LRRFIP1: variants seen among roughly 807,000 people sequenced by gnomAD.
The protein encoded by LRRFIP1 is LRR binding FLII interacting protein 1.
LRRFIP1 carries 62 observed loss-of-function variants against 104.4 expected under a neutral mutation model. The observed-to-expected ratio is 0.59, with a 90% CI of 0.48 to 0.73. The LOEUF is 0.73. LRRFIP1 is among the 30% of genes least tolerant of loss of function. The probability of loss-of-function intolerance (pLI) is 0.00; values close to 1 mark genes in which losing one functional copy is unlikely to be tolerated. For missense variants in LRRFIP1, 796 were observed against 824.5 expected, an observed-to-expected ratio of 0.97 and a Z score of 0.42; for synonymous variants, 300 against 299.0, an observed-to-expected ratio of 1.00 and a Z score of -0.03.
rs924393601 is a variant in LRRFIP1 at position 237,766,786 on chromosome 2, C to T, written c.1460-3157C>T. Among the ~76,000 whole-genome samples, 1 of 152,244 alleles carries T rather than the reference C, an allele frequency of 6.6e-6. No individual in the cohort carries two copies. The highest frequency in any genetic ancestry group is 2.4e-5 in the African/African-American group (1 of 41,462). On this transcript the variant is annotated intron_variant, in intron 19 of 23. Coordinates refer to ENST00000308482, the MANE Select transcript of LRRFIP1 (RefSeq NM_001137550.2). This position sits in a 1 kb window ranked among gnomAD's most constrained non-coding sequence, Gnocchi z 4.8. ...CATTTCTCGATGATTTCAGAGCCTT[C>T]ATTCTGAGCATCAGTTATATGCTCT...
intron 14 of LRRFIP1, 120 bp from the exon 15 acceptor site, chr2:237,753,189 T>C (rs733579): frequency 0.27 from 177,615 of 665,142 alleles, 25,591 homozygotes; most frequent in East Asian, 0.56. Flanking sequence ...TTCTGATCCA[T>C]TTGCTCTAAG....
chr2:237,676,512 G>A (rs113956153), intron 1 of LRRFIP1, among the ~76,000 whole-genome samples: 15 of 152,130 alleles, frequency 9.9e-5, no homozygotes, highest in South Asian at 2.1e-4. Context: ...GTTTTGTTTC[G>A]TTTTGTTTTT....
At chr2:237,632,794 G>T (rs1457345461) in intron 1 of LRRFIP1, among the ~76,000 whole-genome samples, 3 of 140,160 alleles carry the variant, frequency 2.1e-5, no homozygotes, top group Non-Finnish European at 4.8e-5. Flanking sequence ...GTCCAGGACT[G>T]AGCCCAGCTG....
chr2:237,652,703 T>A (rs1001157658), intron 1 of LRRFIP1, among the ~76,000 whole-genome samples: 3 of 152,188 alleles, frequency 2.0e-5, no homozygotes, highest in African/African-American at 2.4e-5. Context: ...AAAACAATCT[T>A]GGCTGGGCAC....
intron 22 of LRRFIP1, among the ~76,000 whole-genome samples, chr2:237,773,371 C>G (rs2060811606): frequency 6.6e-6 from 1 of 152,054 alleles, no homozygotes; most frequent in Non-Finnish European, 1.5e-5. Context: ...AACCCCGTCT[C>G]TACTAAAAAT....
At chr2:237,759,370 C>T (rs1370489139) in intron 18 of LRRFIP1, among the ~76,000 whole-genome samples, 1 of 152,124 alleles carries the variant, frequency 6.6e-6, no homozygotes, top group Non-Finnish European at 1.5e-5. Context: ...TGAACCGTCA[C>T]CATCTGCTGC....
chr2:237,656,388 G>A (rs957497058), intron 1 of LRRFIP1, among the ~76,000 whole-genome samples: 6 of 152,204 alleles, frequency 3.9e-5, no homozygotes, highest in African/African-American at 1.4e-4. Context: ...CAAATCATAT[G>A]TATGCATTTG....
intron 23 of LRRFIP1, among the ~76,000 whole-genome samples, chr2:237,779,146 G>A (rs1172773063): frequency 1.3e-5 from 2 of 152,102 alleles, no homozygotes; most frequent in Non-Finnish European, 2.9e-5. Context: ...CCCGTGAGGC[G>A]GAGCTTGCAG....
At chr2:237,705,189 T>G (rs1486775699) in intron 1 of LRRFIP1, among the ~76,000 whole-genome samples, 3 of 152,024 alleles carry the variant, frequency 2.0e-5, no homozygotes, top group Non-Finnish European at 2.9e-5. Context: ...GGCGGGGAAG[T>G]GGGTGGGCGT....
chr2:237,727,791 C>G, intron 7 of LRRFIP1, 85 bp from the exon 8 acceptor site: 1 of 950,882 alleles, frequency 1.1e-6, no homozygotes, highest in Non-Finnish European at 1.7e-6. Context: ...TCACCTTATA[C>G]CTGGCTGGTT....
chr2:237,633,839 C>T (rs2082728019), intron 1 of LRRFIP1, among the ~76,000 whole-genome samples: 4 of 152,150 alleles, frequency 2.6e-5, no homozygotes, highest in Admixed American at 2.0e-4. Context: ...TCCAAGACCC[C>T]ATTCAGGCTA....
chr2:237,706,123 G>A (rs1201070778), intron 1 of LRRFIP1, among the ~76,000 whole-genome samples: 1 of 152,166 alleles, frequency 6.6e-6, no homozygotes, highest in Non-Finnish European at 1.5e-5. Context: ...GTGGGAGAGG[G>A]GTATGCAGGG....
chr2:237,727,093 C>CA (rs1343284799), intron 7 of LRRFIP1, among the ~76,000 whole-genome samples: 1 of 152,206 alleles, frequency 6.6e-6, no homozygotes, highest in African/African-American at 2.4e-5. Flanking sequence ...CGCGATGGCT[C>CA]ACGCCTGTAA....
chr2:237,685,108 T>C (rs111740585), intron 1 of LRRFIP1, among the ~76,000 whole-genome samples: 759 of 11,072 alleles, frequency 0.069, 12 homozygotes, highest in African/African-American at 0.16. Context: ...CTCCCTACCC[T>C]CCCCCCCCCA....
intron 1 of LRRFIP1, among the ~76,000 whole-genome samples, chr2:237,673,903 C>T (rs1204360023): frequency 7.8e-6 from 1 of 128,502 alleles, no homozygotes; most frequent in Non-Finnish European, 1.6e-5. Context: ...TTTCCTGACA[C>T]TAAGGCTCTG....
At chr2:237,653,560 G>C (rs76820589) in intron 1 of LRRFIP1, among the ~76,000 whole-genome samples, 15,361 of 152,220 alleles carry the variant, frequency 0.1, 855 homozygotes, top group African/African-American at 0.13. Context: ...AAGCAATCTT[G>C]AGCAATAAGA....
At chr2:237,771,333 G>T (rs956573839) in intron 20 of LRRFIP1, among the ~76,000 whole-genome samples, 3 of 146,560 alleles carry the variant, frequency 2.0e-5, no homozygotes, top group South Asian at 4.3e-4. Flanking sequence ...CATAAATTCC[G>T]CAAAGTTCCA....
intron 5 of LRRFIP1, among the ~76,000 whole-genome samples, chr2:237,720,222 C>T (rs1319061370): frequency 6.6e-6 from 1 of 152,004 alleles, no homozygotes; most frequent in East Asian, 1.9e-4. Context: ...GCTGGGATTA[C>T]AGGCATGAGC....
At chr2:237,684,010 GT>G (rs1409247795) in intron 1 of LRRFIP1, among the ~76,000 whole-genome samples, 2 of 152,164 alleles carry the variant, frequency 1.3e-5, no homozygotes, top group Non-Finnish European at 2.9e-5. Context: ...GGATTCTGAA[GT>G]TTTCAGCTAG....
Sources: allele counts gnomAD v4.1 joint callset (sites outside exome capture counted in the v4.1 genomes callset), GRCh38; gene constraint gnomAD v4.1.1; non-coding constraint Gnocchi (gnomAD v3.1); transcripts MANE v1.5; gene names NCBI Gene and HGNC (gene_info 2026-07-23, HGNC 2026-07-21).